The following FICD variants were observed in gnomAD, a reference collection of about 807,000 sequenced individuals.
The protein encoded by FICD is FIC domain protein adenylyltransferase.
A neutral mutation model predicts 28.0 loss-of-function variants in FICD; 13 were observed. The ratio of observed to expected loss-of-function variants is 0.46; its 90% CI spans 0.30 to 0.74. FICD has a LOEUF of 0.74. FICD is among the 30% of genes least tolerant of loss of function. The pLI is 0.07. For missense variants in FICD, 576 were observed against 624.5 expected, an observed-to-expected ratio of 0.92 and a Z score of 0.83; for synonymous variants, 268 against 266.4, an observed-to-expected ratio of 1.01 and a Z score of -0.06.
Position 108,519,725 on chromosome 12 carries a change from T to C in FICD, c.*250T>C, listed in dbSNP as rs1477254808. The C allele has an allele frequency of 5.1e-6, 2 of 391,142 alleles. No homozygotes were observed. Among genetic ancestry groups the C allele is most frequent in the Admixed American group, 8.5e-5 (2 of 23,656 alleles). 24.2% of individuals were successfully genotyped at this position (391,142 alleles called of 1,614,324 possible). ...GTATTGTATGGTGTCTGCTGTGTCT[T>C]GCTGGTGGCCGTGCTTTAGGGGCAA... On this transcript the variant is annotated 3_prime_UTR_variant, in exon 3 of 3. Coordinates refer to ENST00000552695, the MANE Select transcript of FICD (RefSeq NM_007076.3). The surrounding 1 kb of genome is among the most constrained non-coding windows in gnomAD (Gnocchi z 4.5).
rs201497382 is a variant in FICD at position 108,517,290 on chromosome 12, G to A, written c.301+17G>A. On this transcript the variant is annotated intron_variant, in intron 2 of 2. Transcript: ENST00000552695. ...CCTCTCCAGGTAAGACAGACTGGCCGTCTTCCTCAATGCTTGTTAACTGGA... is the reference window on the plus strand; with the variant it reads ...CCTCTCCAGGTAAGACAGACTGGCCATCTTCCTCAATGCTTGTTAACTGGA... 39 of 1,486,928 alleles carry A rather than the reference G, an allele frequency of 2.6e-5. No individual in the cohort carries two copies. Among genetic ancestry groups the A allele is most frequent in the Admixed American group, 8.8e-5 (4 of 45,204 alleles). 92.1% of individuals were successfully genotyped at this position (1,486,928 alleles called of 1,614,324 possible).
rs1404705180 is a variant in FICD, at chr12:108,518,623, A to G, written c.525A>G (p.Lys175=). The G allele has an allele frequency of 6.2e-7, 1 of 1,614,110 alleles. No homozygotes were observed. The highest frequency in any genetic ancestry group is 1.3e-5 in the African/African-American group (1 of 74,948). Residue 175 remains lysine (K), a synonymous_variant, in exon 3 of 3, where the codon AAA becomes AAG. Transcript: ENST00000552695. The surrounding 1 kb of genome is among the most constrained non-coding windows in gnomAD (Gnocchi z 4.4). ...RALTISPYHE[K]ALVNRDRTLP... is the part of the protein sequence containing the mutation. ...TGACCATCTCACCCTACCATGAGAA[A>G]GCACTGGTCAACCGCGATCGGACAC...
Position 108,518,481 on chromosome 12 carries a change from T to C in FICD, c.383T>C (p.Leu128Pro). 6.2e-7 allele frequency: 1 copy of C among 1,614,034 alleles called. No homozygotes were observed. The highest frequency in any genetic ancestry group is 8.5e-7 in the Non-Finnish European group (1 of 1,180,008). ...RQGKREKAQK[L>P]FMHALKMDPD... ...GGCAAGCGGGAAAAAGCCCAAAAGC[T>C]CTTCATGCACGCCCTCAAGATGGAC... The change falls in exon 3 of 3, where the codon CTC becomes CCC. Residue 128 changes from leucine to proline, a missense_variant. Leu to Pro is a moderately conservative substitution (Grantham distance 98). Transcript: ENST00000552695. The surrounding 1 kb of genome is among the most constrained non-coding windows in gnomAD (Gnocchi z 4.4).
rs1246548408 is a variant in FICD at position 108,519,188 on chromosome 12, C to A, written c.1090C>A (p.Pro364Thr). ...CCATTATAAACTCGTTTACATCCAC[C>A]CTTTCATTGATGGCAACGGGAGGAC... is the stretch of plus-strand genomic sequence containing the variant. The part of the protein sequence containing the change: ...LAHYKLVYIH[P>T]FIDGNGRTSR... Residue 364 changes from proline (P) to threonine (T), a missense_variant, in exon 3 of 3, where the codon CCT becomes ACT. Pro to Thr is a conservative substitution (Grantham distance 38, BLOSUM62 -1). Transcript: ENST00000552695. The surrounding 1 kb of genome is among the most constrained non-coding windows in gnomAD (Gnocchi z 4.5). 1 of 1,614,244 alleles carries A rather than the reference C, an allele frequency of 6.2e-7. No homozygotes were observed. Among genetic ancestry groups the A allele is most frequent in the South Asian group, 1.1e-5 (1 of 91,090 alleles).
rs955641321 is a variant in FICD, at chr12:108,520,825, G to A, written c.*1350G>A. 1 of 152,222 alleles carries A rather than the reference G, an allele frequency of 6.6e-6. No individual in the cohort carries two copies. Among genetic ancestry groups the A allele is most frequent in the African/African-American group, 2.4e-5 (1 of 41,454 alleles). 9.4% of individuals were successfully genotyped at this position (152,222 alleles called of 1,614,324 possible). ...TCAGTGTGTGAGTGATGGCGAATAC[G>A]CAGTGTTGTCTCTTTGATTTGGTAA... On this transcript the variant is annotated 3_prime_UTR_variant, in exon 3 of 3. Coordinates refer to ENST00000552695, the MANE Select transcript of FICD (RefSeq NM_007076.3).
intron 1 of FICD, among the ~76,000 whole-genome samples, chr12:108,515,597 G>T (rs894296507): frequency 1.3e-5 from 2 of 152,074 alleles, no homozygotes; most frequent in African/African-American, 4.8e-5. Context: ...CCGGCGAACT[G>T]CCCCCTTTCC....
Position 108,518,827 on chromosome 12 carries a change from C to G in FICD, c.729C>G (p.Ile243Met), listed in dbSNP as rs1872005174. 1.9e-6 allele frequency: 3 copies of G among 1,614,198 alleles called. No homozygotes were observed. The highest frequency in any genetic ancestry group is 2.5e-6 in the Non-Finnish European group (3 of 1,180,030). The change falls in exon 3 of 3, where the codon ATC becomes ATG. Residue 243 changes from isoleucine (I) to methionine (M), a missense_variant. Physicochemically the swap from Ile to Met is conservative, Grantham distance 10. Transcript: ENST00000552695. This position sits in a 1 kb window ranked among gnomAD's most constrained non-coding sequence, Gnocchi z 4.4. ...IEGNTLTLSE[I>M]RHILETRYAV... The stretch of plus-strand genomic sequence containing the variant: ...GCAACACCCTCACCCTCTCGGAAAT[C>G]AGGCACATCCTGGAGACCCGCTACG...
intron 1 of FICD, 29 bp downstream of exon 1, chr12:108,515,390 G>C (rs115668165): frequency 1.3e-5 from 2 of 152,358 alleles, no homozygotes; most frequent in African/African-American, 2.4e-5. Flanking sequence ...CTAGGGGCTC[G>C]AGAGGATGAA....
intron 1 of FICD, among the ~76,000 whole-genome samples, chr12:108,516,387 C>CT (rs1871910828): frequency 6.6e-6 from 1 of 152,218 alleles, no homozygotes; most frequent in Admixed American, 6.5e-5. Flanking sequence ...GCCTGGGTGT[C>CT]TGTCAGTCAT....
In FICD at chr12:108,518,766, A is replaced by G. The variant is rs35990156; in HGVS notation, c.668A>G (p.Tyr223Cys). 50 of 1,614,082 alleles carry G rather than the reference A, an allele frequency of 3.1e-5. No homozygotes were observed. The African/African-American group carries it at 4.7e-4, about 15-fold the overall frequency. The change falls in exon 3 of 3, where the codon TAC becomes TGC. Residue 223 changes from tyrosine (Y) to cysteine (C), a missense_variant. By Grantham distance (194) the Tyr-to-Cys change is radical. Coordinates refer to ENST00000552695, the MANE Select transcript of FICD (RefSeq NM_007076.3). The surrounding 1 kb of genome is among the most constrained non-coding windows in gnomAD (Gnocchi z 4.4). ...CTGCGCAGGGTCATGGAGGAGACCT[A>G]CTACCATCACATCTACCACACAGTG... ...SALRRVMEETYYHHIYHTVAI... is the reference protein window; with the variant it reads ...SALRRVMEETCYHHIYHTVAI...
In FICD at chr12:108,520,689, A is replaced by G. The variant is rs952332849; in HGVS notation, c.*1214A>G. 1 of 152,160 alleles carries G rather than the reference A, an allele frequency of 6.6e-6. No homozygotes were observed. Among genetic ancestry groups the G allele is most frequent in the African/African-American group, 2.4e-5 (1 of 41,440 alleles). 9.4% of individuals were successfully genotyped at this position (152,160 alleles called of 1,614,324 possible). ...GGAAGTAGAATCTTCTCTTTGAATC[A>G]TATGGTACAGGTGCCAATATGACTG... On this transcript the variant is annotated 3_prime_UTR_variant, in exon 3 of 3. Transcript: ENST00000552695.
In FICD at chr12:108,515,354, T is replaced by C. The variant is rs1178642284; in HGVS notation, c.-66T>C. The C allele has an allele frequency of 6.6e-6, 1 of 151,992 alleles. No individual in the cohort carries two copies. The highest frequency in any genetic ancestry group is 1.5e-5 in the Non-Finnish European group (1 of 68,050). 9.4% of individuals were successfully genotyped at this position (151,992 alleles called of 1,614,324 possible). On this transcript the variant is annotated 5_prime_UTR_variant, in exon 1 of 3. Coordinates refer to ENST00000552695, the MANE Select transcript of FICD (RefSeq NM_007076.3). ...GGAAGGCGGTTGGGGTTCTGACAGC[T>C]GCGCGCGGTGAGAAGGGGAAAAGCC...
chr12:108,518,547 C>G lies in FICD; in HGVS notation c.449C>G (p.Ser150Trp), dbSNP rs758309364. The change falls in exon 3 of 3, where the codon TCG (serine) becomes TGG (tryptophan). Residue 150 changes from serine (S) to tryptophan (W), a missense_variant. By Grantham distance (177) the Ser-to-Trp change is radical. Transcript: ENST00000552695. This position sits in a 1 kb window ranked among gnomAD's most constrained non-coding sequence, Gnocchi z 4.4. The part of the protein sequence containing the change: ...VDALTEFGIF[S>W]EEDKDIIQAD... ...GCGCTCACCGAGTTTGGCATCTTCT[C>G]GGAAGAAGACAAGGACATCATCCAG... 1.0e-4 allele frequency: 166 copies of G among 1,614,104 alleles called. No individual in the cohort carries two copies. The highest frequency in any genetic ancestry group is 1.3e-4 in the Non-Finnish European group (158 of 1,180,046).
chr12:108,517,218 C>A lies in FICD; in HGVS notation c.246C>A (p.Leu82=). Residue 82 remains leucine (L), a synonymous_variant, in exon 2 of 3, where the codon CTC becomes CTA. Transcript: ENST00000552695. ...ATKCTSPSTE[L]SITSRGATLL... is the part of the protein sequence containing the mutation. ...AGTGCACCAGCCCGTCCACGGAGCT[C>A]AGCATCACCTCCAGGGGCGCGACGC... 1 of 1,573,062 alleles carries A rather than the reference C, an allele frequency of 6.4e-7. No homozygotes were observed.
In FICD at chr12:108,520,573, A is replaced by C. The variant is rs1198208467; in HGVS notation, c.*1098A>C. 6.6e-6 allele frequency: 1 copy of C among 152,164 alleles called. No individual in the cohort carries two copies. The highest frequency in any genetic ancestry group is 1.5e-5 in the Non-Finnish European group (1 of 68,046). The allele number at this position is 152,164 out of a possible 1,614,324, so 9.4% of individuals were successfully genotyped here. A position where few individuals can be genotyped will look rare whatever the true frequency, so the allele number is the denominator to read the frequency against. ...CCCATCCCCCTGGGAGGCAGAAGAG[A>C]TTGCCTCGGAGTGGCCTTATTTTTC... On this transcript the variant is annotated 3_prime_UTR_variant, in exon 3 of 3. Transcript: ENST00000552695.
In FICD at chr12:108,518,778, T is replaced by C. The variant is rs1277267361; in HGVS notation, c.680T>C (p.Ile227Thr). The C allele has an allele frequency of 4.3e-6, 7 of 1,614,018 alleles. No homozygotes were observed. The highest frequency in any genetic ancestry group is 1.1e-5 in the South Asian group (1 of 91,088). Residue 227 changes from isoleucine (I) to threonine (T), a missense_variant, in exon 3 of 3, where the codon ATC becomes ACC. Physicochemically the swap from Ile to Thr is moderately conservative, Grantham distance 89. Transcript: ENST00000552695. This position sits in a 1 kb window ranked among gnomAD's most constrained non-coding sequence, Gnocchi z 4.4. Reference sequence around the variant, plus strand: ...ATGGAGGAGACCTACTACCATCACATCTACCACACAGTGGCCATCGAGGGC... The same window carrying C: ...ATGGAGGAGACCTACTACCATCACACCTACCACACAGTGGCCATCGAGGGC... ...RVMEETYYHHIYHTVAIEGNT... is the reference protein window; with the variant it reads ...RVMEETYYHHTYHTVAIEGNT...
chr12:108,518,165 G>A lies in FICD; in HGVS notation c.302-235G>A. On this transcript the variant is annotated intron_variant, in intron 2 of 2. Transcript: ENST00000552695. This position sits in a 1 kb window ranked among gnomAD's most constrained non-coding sequence, Gnocchi z 4.4. The stretch of plus-strand genomic sequence containing the variant: ...CAAGGAGGTGCCTCCCAGAATACAA[G>A]AGAGTGGCTCTGGGGACACACGGAT... 1 of 702,644 alleles carries A rather than the reference G, an allele frequency of 1.4e-6. No homozygotes were observed. The highest frequency in any genetic ancestry group is 1.7e-5 in the African/African-American group (1 of 57,378). 43.5% of individuals were successfully genotyped at this position (702,644 alleles called of 1,614,324 possible). A position where few individuals can be genotyped will look rare whatever the true frequency, so the allele number is the denominator to read the frequency against.
chr12:108,516,053 C>A (rs1357976038), intron 1 of FICD, among the ~76,000 whole-genome samples: 1 of 152,202 alleles, frequency 6.6e-6, no homozygotes, highest in Non-Finnish European at 1.5e-5. Flanking sequence ...CCTAGGACAC[C>A]ATAGTTGCTT....
intron 2 of FICD, chr12:108,517,985 GGCA>G: frequency 1.6e-6 from 1 of 633,952 alleles, no homozygotes. Flanking sequence ...GGCCTCCCGG[GGCA>G]GGAACCTGTG....
Sources: gnomAD v4.1 joint callset for allele counts (sites outside exome capture counted in the v4.1 genomes callset) on GRCh38, gnomAD v4.1.1 for gene constraint, Gnocchi (gnomAD v3.1) non-coding constraint, MANE v1.5 for transcripts, NCBI Gene and HGNC (gene_info 2026-07-23, HGNC 2026-07-21) for gene names.